Variants in BOD1L1 observed in about 807,000 individuals in gnomAD.
BOD1L1 encodes the protein biorientation of chromosomes in cell division 1 like 1.
A neutral mutation model predicts 240.7 loss-of-function variants in BOD1L1; 86 were observed. The ratio of observed to expected loss-of-function variants is 0.36; its 90% CI spans 0.30 to 0.43. The LOEUF (loss-of-function observed/expected upper bound fraction) is 0.43. BOD1L1 is among the 20% of genes least tolerant of loss of function. The pLI is 1.00. For missense variants in BOD1L1, 3,554 were observed against 3,643.5 expected, an observed-to-expected ratio of 0.98 and a Z score of 0.63; for synonymous variants, 1,268 against 1,272.3, an observed-to-expected ratio of 1.00 and a Z score of 0.07.
Position 13,582,142 on chromosome 4 carries a change from A to G in BOD1L1, c.8592+95T>C, listed in dbSNP as rs1364482290. The G allele has an allele frequency of 3.9e-6, 4 of 1,013,412 alleles. No homozygotes were observed. The African/African-American group carries it at 4.9e-5, about 12-fold the overall frequency. The allele number at this position is 1,013,412 out of a possible 1,614,324, so 62.8% of individuals were successfully genotyped here. ...AAAAAAACCGCAGCTTCTTCAAAGT[A>G]CTTAAGAAAAACTCAAGATAACAGT... is the stretch of plus-strand genomic sequence containing the variant. On this transcript the variant is annotated intron_variant, in intron 19 of 25. Coordinates refer to ENST00000040738, the MANE Select transcript of BOD1L1 (RefSeq NM_148894.3).
At chr4:13,616,818 C>T (rs1297678651) in intron 2 of BOD1L1, among the ~76,000 whole-genome samples, 3 of 151,954 alleles carry the variant, frequency 2.0e-5, no homozygotes, top group Non-Finnish European at 4.4e-5. Flanking sequence ...AAGTAGGTTA[C>T]CTGCTTTTTA....
intron 18 of BOD1L1, 56 bp downstream of exon 18, chr4:13,582,596 A>G (rs552370622): frequency 7.6e-7 from 1 of 1,314,722 alleles, no homozygotes; most frequent in East Asian, 2.3e-5. Context: ...CGGTTGAGAG[A>G]CACGCTGGCT....
intron 2 of BOD1L1, among the ~76,000 whole-genome samples, chr4:13,617,893 T>C (rs1445079219): frequency 6.6e-6 from 1 of 152,202 alleles, no homozygotes; most frequent in Non-Finnish European, 1.5e-5. Context: ...AAATAATCTC[T>C]TTAAGGAAGC....
At chr4:13,624,446 T>C (rs1717246853) in intron 1 of BOD1L1, 1 of 152,214 alleles carries the variant, frequency 6.6e-6, no homozygotes, top group Admixed American at 6.5e-5. Flanking sequence ...TTAGACCAAG[T>C]CTTGTTCTGT....
At chr4:13,606,504 T>A (rs1380074206) in intron 9 of BOD1L1, among the ~76,000 whole-genome samples, 1 of 152,152 alleles carries the variant, frequency 6.6e-6, no homozygotes, top group African/African-American at 2.4e-5. Context: ...CAAAAGTTTG[T>A]CCCACGAAAA....
At chr4:13,580,028 CA>C in intron 21 of BOD1L1, 55 bp from the exon 22 acceptor site, 1 of 1,264,800 alleles carries the variant, frequency 7.9e-7, no homozygotes, top group South Asian at 1.3e-5. Flanking sequence ...TTATAATCAT[CA>C]CATAGAAATG....
rs1714908495 is a variant in BOD1L1, at chr4:13,599,443, G to A, written c.7457C>T (p.Thr2486Ile). The change falls in exon 10 of 26, where the codon ACA becomes ATA. Residue 2486 changes from threonine (T) to isoleucine (I), a missense_variant. By Grantham distance (89) the Thr-to-Ile change is moderately conservative. Around this residue, in one of 2 missense-constraint regions of BOD1L1, gnomAD observed 3,393 missense variants for 3,427.1 expected, o/e 0.99. Coordinates refer to ENST00000040738, the MANE Select transcript of BOD1L1 (RefSeq NM_148894.3). ...GCCCCTTCCTGCTGAATAACTTGCT[G>A]TGCTACTGCCCCCTGCTGTCCCTGT... Reference protein sequence around the residue: ...PETGTAGGSSTASYSAGRGLE... With the variant: ...PETGTAGGSSIASYSAGRGLE... 1.2e-6 allele frequency: 2 copies of A among 1,613,884 alleles called. No individual in the cohort carries two copies. Among genetic ancestry groups the A allele is most frequent in the Non-Finnish European group, 8.5e-7 (1 of 1,179,894 alleles).
chr4:13,604,201 G>T lies in BOD1L1; in HGVS notation c.2699C>A (p.Thr900Lys). The T allele has an allele frequency of 3.7e-6, 6 of 1,613,518 alleles. No individual in the cohort carries two copies. Among genetic ancestry groups the T allele is most frequent in the Non-Finnish European group, 5.1e-6 (6 of 1,179,778 alleles). Residue 900 changes from threonine to lysine, a missense_variant, in exon 10 of 26, where the codon ACA (threonine) becomes AAA (lysine). By Grantham distance (78) the Thr-to-Lys change is moderately conservative. Around this residue, in one of 2 missense-constraint regions of BOD1L1, gnomAD observed 3,393 missense variants for 3,427.1 expected, o/e 0.99. Transcript: ENST00000040738. ...EEVVHKEKRR[T>K]KSLLEEKLVL... is the part of the protein sequence containing the mutation. ...AAGTTTCTCTTCTAACAAGCTCTTT[G>T]TTCGTCGTTTCTCCTTGTGAACAAC...
intron 12 of BOD1L1, among the ~76,000 whole-genome samples, chr4:13,594,666 G>GT (rs1714476617): frequency 6.6e-6 from 1 of 152,190 alleles, no homozygotes; most frequent in Non-Finnish European, 1.5e-5. Context: ...GGAGGCCAAG[G>GT]CGGGCGGATC....
In BOD1L1 at chr4:13,615,428, C is replaced by A. The variant is rs922641357; in HGVS notation, c.443G>T (p.Arg148Ile). 51 of 1,613,710 alleles carry A rather than the reference C, an allele frequency of 3.2e-5. No homozygotes were observed. The highest frequency in any genetic ancestry group is 4.2e-5 in the Non-Finnish European group (49 of 1,179,812). The change falls in exon 3 of 26, where the codon AGA becomes ATA. Residue 148 changes from arginine (R) to isoleucine (I), a missense_variant. Transcript: ENST00000040738. ...ATGCACAGCTTTCTCTACCTGAGGT[C>A]TGAATGTGTGGTTGATCTTTGGGTC... is the stretch of plus-strand genomic sequence containing the variant. ...VVDPKINHTF[R>I]PQVEKAVHEF...
In BOD1L1 at chr4:13,604,444, T is replaced by C. The variant is rs989939943; in HGVS notation, c.2456A>G (p.Asn819Ser). 10 of 1,563,158 alleles carry C rather than the reference T, an allele frequency of 6.4e-6. No homozygotes were observed. The highest frequency in any genetic ancestry group is 8.6e-6 in the Non-Finnish European group (10 of 1,164,596). The change falls in exon 10 of 26, where the codon AAT (asparagine) becomes AGT (serine). Residue 819 changes from asparagine to serine, a missense_variant. By Grantham distance (46) the Asn-to-Ser change is conservative. Around this residue, in one of 2 missense-constraint regions of BOD1L1, gnomAD observed 3,393 missense variants for 3,427.1 expected, o/e 0.99. Transcript: ENST00000040738. ...TTTTTTGTTGTTTTCTTTACGAACA[T>C]TCTCATCTGTTTTTATAATATATTC... ...VSEYIIKTDENVRKENNKKER... is the reference protein window; with the variant it reads ...VSEYIIKTDESVRKENNKKER...
At position 13,570,017 on chromosome 4, in the gene BOD1L1, C is replaced by T; in HGVS notation, c.9150G>A (p.Lys3050=). The T allele has an allele frequency of 6.3e-7, 1 of 1,599,254 alleles. No homozygotes were observed. The highest frequency in any genetic ancestry group is 8.5e-7 in the Non-Finnish European group (1 of 1,174,186). The change falls in exon 26 of 26, where the codon AAG becomes AAA. Residue 3050 remains lysine (K), a synonymous_variant. Transcript: ENST00000040738. ...AGGGCAGCAGTGGTCAGGATTATCG[C>T]TTCGCTTTTTTCACAGGGGCTTCCT... is the stretch of plus-strand genomic sequence containing the variant. ...RVEEAPVKKA[K]R
At position 13,620,008 on chromosome 4, in the gene BOD1L1, A is replaced by C; in HGVS notation, c.303T>G (p.Thr101=). 6.2e-7 allele frequency: 1 copy of C among 1,607,986 alleles called. No homozygotes were observed. ...TATTGAGATGCGGACTCCATGTGTG[A>C]GTTGCCAAGTGATTTGCAACAAAGT... ...VDNFVANHLA[T]HTWSPHLNKN... The change falls in exon 2 of 26, where the codon ACT becomes ACG. Residue 101 remains threonine (T), a synonymous_variant. Transcript: ENST00000040738.
rs934317464 is a variant in BOD1L1, at chr4:13,573,523, T to A, written c.9038+3315A>T. On this transcript the variant is annotated intron_variant, in intron 25 of 25. Coordinates refer to ENST00000040738, the MANE Select transcript of BOD1L1 (RefSeq NM_148894.3). ...AGAAAGAGCCTCTATCTATCTATCT[T>A]TCTTTCTTTCTTTCTTTTGAGAAAG... 1.2e-4 allele frequency among the ~76,000 whole-genome samples: 17 copies of A among 146,866 alleles called. No individual in the cohort carries two copies. In the South Asian group the frequency reaches 1.2e-3, roughly 11 times the overall value.
intron 17 of BOD1L1, among the ~76,000 whole-genome samples, chr4:13,585,743 C>G (rs183607490): frequency 6.6e-6 from 1 of 152,076 alleles, no homozygotes; most frequent in Non-Finnish European, 1.5e-5. Context: ...GTAATTGAAT[C>G]GGGGGGCAGG....
chr4:13,572,518 G>A (rs1033991940), intron 25 of BOD1L1, among the ~76,000 whole-genome samples: 8 of 152,230 alleles, frequency 5.3e-5, no homozygotes, highest in African/African-American at 1.9e-4. Flanking sequence ...CTGCGGCAAG[G>A]CCAGACTGGT....
At chr4:13,576,511 G>A (rs558547961) in intron 25 of BOD1L1, among the ~76,000 whole-genome samples, 3 of 151,994 alleles carry the variant, frequency 2.0e-5, no homozygotes, top group Non-Finnish European at 2.9e-5. Context: ...GATGTTTTAT[G>A]TATGTCCATA....
At chr4:13,597,507 G>C (rs1327299731) in intron 10 of BOD1L1, among the ~76,000 whole-genome samples, 2 of 152,130 alleles carry the variant, frequency 1.3e-5, no homozygotes, top group Non-Finnish European at 2.9e-5. Context: ...AAAATATTCT[G>C]AGTCACTAAG....
At position 13,614,700 on chromosome 4, in the gene BOD1L1, T is replaced by C; in HGVS notation, c.670A>G (p.Thr224Ala). The C allele has an allele frequency of 1.2e-6, 2 of 1,613,958 alleles. No individual in the cohort carries two copies. Among genetic ancestry groups the C allele is most frequent in the Non-Finnish European group, 1.7e-6 (2 of 1,179,872 alleles). The change falls in exon 4 of 26, where the codon ACA (threonine) becomes GCA (alanine). Residue 224 changes from threonine (T) to alanine (A), a missense_variant. Thr to Ala is a moderately conservative substitution (Grantham distance 58). Around this residue, in one of 2 missense-constraint regions of BOD1L1, gnomAD observed 3,393 missense variants for 3,427.1 expected, o/e 0.99. Coordinates refer to ENST00000040738, the MANE Select transcript of BOD1L1 (RefSeq NM_148894.3). ...EASAARASTE[T>A]SNAKTSERAS... is the part of the protein sequence containing the mutation. ...CTCTCACTGGTCTTGGCATTTGATG[T>C]TTCTGTTGAAGCCCTAGCAGCACTG...
Sources: gnomAD v4.1 joint callset for allele counts (sites outside exome capture counted in the v4.1 genomes callset) on GRCh38, gnomAD v4.1.1 for gene constraint, gnomAD v4.1.1 regional missense constraint, MANE v1.5 for transcripts, NCBI Gene and HGNC (gene_info 2026-07-23, HGNC 2026-07-21) for gene names.